Variants in COL6A3 observed in about 807,000 individuals in gnomAD.
COL6A3 encodes collagen alpha-3(VI) chain.
In COL6A3, 137 loss-of-function variants were observed where a neutral mutation model predicts 274.1. The observed-to-expected ratio is 0.50, with a 90% CI of 0.44 to 0.58. The LOEUF is 0.58. Ranked by LOEUF, COL6A3 falls within the 20% of genes least tolerant of loss-of-function variation. The probability of loss-of-function intolerance (pLI) is 0.00; values close to 1 mark genes in which losing one functional copy is unlikely to be tolerated. For missense variants in COL6A3, 3,950 were observed against 4,124.9 expected, an observed-to-expected ratio of 0.96 and a Z score of 1.16; for synonymous variants, 1,650 against 1,650.6, an observed-to-expected ratio of 1.00 and a Z score of 0.01.
At position 237,341,144 on chromosome 2, in the gene COL6A3, C is replaced by A. The variant is rs779104216; in HGVS notation, c.7772G>T (p.Cys2591Phe). ...AAATCCACAGGATGGGTCGATGTTGCAGATGTCTAGAAAGAAGCATGGCAG... is the reference window on the plus strand; with the variant it reads ...AAATCCACAGGATGGGTCGATGTTGAAGATGTCTAGAAAGAAGCATGGCAG... ...VLTCHVCLDI[C>F]NIDPSCGFGS... Residue 2591 changes from cysteine (C) to phenylalanine (F), a missense_variant, in exon 38 of 44, where the codon TGC becomes TTC. Coordinates refer to ENST00000295550, the MANE Select transcript of COL6A3 (RefSeq NM_004369.4). The A allele has an allele frequency of 6.2e-7, 1 of 1,614,120 alleles. No individual in the cohort carries two copies. The highest frequency in any genetic ancestry group is 1.1e-5 in the South Asian group (1 of 91,080).
Position 237,381,152 on chromosome 2 carries a change from C to T in COL6A3, c.1660G>A (p.Val554Met), listed in dbSNP as rs781199809. ...RAAEGIPKLL[V>M]LITGGKSLDE... ...AGGGACTTACCACCTGTGATCAGCA[C>T]CAAAAGCTTAGGAATCCCCTCGGCA... is the stretch of plus-strand genomic sequence containing the variant. The change falls in exon 5 of 44, where the codon GTG (valine) becomes ATG (methionine). Residue 554 changes from valine to methionine, a missense_variant. Val to Met is a conservative substitution (Grantham distance 21). Coordinates refer to ENST00000295550, the MANE Select transcript of COL6A3 (RefSeq NM_004369.4). The T allele has an allele frequency of 5.6e-6, 9 of 1,614,258 alleles. No individual in the cohort carries two copies. The South Asian group carries it at 9.9e-5, about 18-fold the overall frequency.
intron 42 of COL6A3, chr2:237,328,233 T>C (rs1700050600): frequency 6.6e-6 from 1 of 152,202 alleles, no homozygotes; most frequent in Admixed American, 6.5e-5. Context: ...TTCCTTACTA[T>C]TGGTCACTGG....
In COL6A3 at chr2:237,340,677, C is replaced by T. The variant is rs1474996590; in HGVS notation, c.8239G>A (p.Val2747Met). ...GCCTCCTCCAGCTGCTGCTCCGGCA[C>T]CTCGCCCGTCAGCATCAGGACCACA... ...KIVVLMLTGE[V>M]PEQQLEEAQR... The change falls in exon 38 of 44, where the codon GTG (valine) becomes ATG (methionine). Residue 2747 changes from valine (V) to methionine (M), a missense_variant. Transcript: ENST00000295550. 1.2e-6 allele frequency: 2 copies of T among 1,614,240 alleles called. No homozygotes were observed. The highest frequency in any genetic ancestry group is 2.2e-5 in the East Asian group (1 of 44,880).
At position 237,376,754 on chromosome 2, in the gene COL6A3, A is replaced by G. The variant is rs751217501; in HGVS notation, c.3070+18T>C. The G allele has an allele frequency of 6.2e-7, 1 of 1,610,202 alleles. No homozygotes were observed. The highest frequency in any genetic ancestry group is 1.1e-5 in the South Asian group (1 of 90,984). ...TAGAGAACTGAGTGGCAGAGCAACT[A>G]GCATTTCTCTACCATACCTGGTGCT... On this transcript the variant is annotated intron_variant, in intron 7 of 43. Coordinates refer to ENST00000295550, the MANE Select transcript of COL6A3 (RefSeq NM_004369.4).
Position 237,388,143 on chromosome 2 carries a change from T to C in COL6A3, c.751A>G (p.Asn251Asp), listed in dbSNP as rs1330744460. Residue 251 changes from asparagine (N) to aspartate (D), a missense_variant, in exon 4 of 44, where the codon AAC becomes GAC. Physicochemically the swap from Asn to Asp is conservative, Grantham distance 23. Coordinates refer to ENST00000295550, the MANE Select transcript of COL6A3 (RefSeq NM_004369.4). Reference protein sequence around the residue: ...ADIIFLIDGSNNTGSVNFAVI... With the variant: ...ADIIFLIDGSDNTGSVNFAVI... ...GCGAAATTGACACTTCCGGTGTTGT[T>C]TGATCCATCAATAAGGAAAATAATG... The C allele has an allele frequency of 1.2e-6, 2 of 1,614,184 alleles. No homozygotes were observed. Among genetic ancestry groups the C allele is most frequent in the Non-Finnish European group, 1.7e-6 (2 of 1,180,046 alleles).
At position 237,345,049 on chromosome 2, in the gene COL6A3, T is replaced by C. The variant is rs749961875; in HGVS notation, c.7162+9A>G. 4 of 1,614,222 alleles carry C rather than the reference T, an allele frequency of 2.5e-6. No individual in the cohort carries two copies. Among genetic ancestry groups the C allele is most frequent in the South Asian group, 1.1e-5 (1 of 91,084 alleles). On this transcript the variant is annotated intron_variant, in intron 34 of 43. Transcript: ENST00000295550. ...TGCATTGTGAGACAACAGAAAATCA[T>C]GTACTTACGGCATTTATCTTTGATG...
intron 1 of COL6A3, among the ~76,000 whole-genome samples, chr2:237,410,407 G>A (rs1421626776): frequency 6.7e-6 from 1 of 149,940 alleles, no homozygotes; most frequent in East Asian, 2.0e-4. Flanking sequence ...CCAGGCTCAA[G>A]TGATCCTCCC....
intron 4 of COL6A3, among the ~76,000 whole-genome samples, chr2:237,382,536 T>C (rs2078034962): frequency 6.6e-6 from 1 of 152,244 alleles, no homozygotes; most frequent in Admixed American, 6.5e-5. Context: ...CTGCCCATAT[T>C]GCAAGAACCA....
chr2:237,405,565 G>A (rs1164746428), intron 1 of COL6A3, among the ~76,000 whole-genome samples: 1 of 152,026 alleles, frequency 6.6e-6, no homozygotes, highest in Non-Finnish European at 1.5e-5. Flanking sequence ...TGTCTTGTGG[G>A]TGGGATTTCA....
intron 3 of COL6A3, among the ~76,000 whole-genome samples, chr2:237,391,311 C>G (rs2078280551): frequency 1.3e-5 from 2 of 152,148 alleles, no homozygotes; most frequent in African/African-American, 4.8e-5. Flanking sequence ...GAGATGCTTT[C>G]TTGGCATAAA....
intron 4 of COL6A3, among the ~76,000 whole-genome samples, chr2:237,384,799 G>T (rs2078103656): frequency 6.6e-6 from 1 of 152,026 alleles, no homozygotes; most frequent in African/African-American, 2.4e-5. Flanking sequence ...ACCTTCCTCT[G>T]CCATTGGCTC....
In COL6A3 at chr2:237,361,957, G is replaced by A. The variant is rs1326126125; in HGVS notation, c.6064-126C>T. On this transcript the variant is annotated intron_variant, in intron 14 of 43. Transcript: ENST00000295550. This position sits in a 1 kb window ranked among gnomAD's most constrained non-coding sequence, Gnocchi z 5.1. The stretch of plus-strand genomic sequence containing the variant: ...CACGGTGTGAGATGAAGTCCCTCCA[G>A]GTGACATTTGCTGGACGACTGACGA... 3.5e-6 allele frequency: 3 copies of A among 846,504 alleles called. No homozygotes were observed. Among genetic ancestry groups the A allele is most frequent in the Non-Finnish European group, 6.0e-6 (3 of 502,588 alleles). 52.4% of individuals were successfully genotyped at this position (846,504 alleles called of 1,614,324 possible). A position where few individuals can be genotyped will look rare whatever the true frequency, so the allele number is the denominator to read the frequency against.
At chr2:237,401,595 T>C (rs2078591067) in intron 1 of COL6A3, among the ~76,000 whole-genome samples, 1 of 152,156 alleles carries the variant, frequency 6.6e-6, no homozygotes, top group Non-Finnish European at 1.5e-5. Context: ...GTCTGTATCA[T>C]TGTAGGTGTA....
intron 1 of COL6A3, among the ~76,000 whole-genome samples, chr2:237,403,075 C>T (rs1482078247): frequency 6.6e-6 from 1 of 152,110 alleles, no homozygotes; most frequent in East Asian, 1.9e-4. Context: ...AGCAAAGGTA[C>T]AGGGAGAGCC....
chr2:237,407,679 AGATAATAACCAT>A lies in COL6A3; in HGVS notation c.-31+6262_-31+6273del, dbSNP rs1187703725. 9.9e-5 allele frequency among the ~76,000 whole-genome samples: 15 copies of A among 152,268 alleles called. No homozygotes were observed. The highest frequency in any genetic ancestry group is 2.9e-5 in the Non-Finnish European group (2 of 68,042). ...CTTTAAAACATATTCCTAGCATTGCAGATAATAACCATGAGGCAGAAAGTTCCATATCTGGTG... is the reference window on the plus strand; with the variant it reads ...CTTTAAAACATATTCCTAGCATTGCAGAGGCAGAAAGTTCCATATCTGGTG... On this transcript the variant is annotated intron_variant, in intron 1 of 43. Transcript: ENST00000295550. This position sits in a 1 kb window ranked among gnomAD's most constrained non-coding sequence, Gnocchi z 4.3.
chr2:237,343,804 T>G, intron 36 of COL6A3: 1 of 186,538 alleles, frequency 5.4e-6, no homozygotes, highest in Non-Finnish European at 1.1e-5. Flanking sequence ...CTGGAATGGG[T>G]ATCATCAGCA....
intron 10 of COL6A3, among the ~76,000 whole-genome samples, chr2:237,367,864 A>G (rs1453206509): frequency 6.6e-6 from 1 of 152,182 alleles, no homozygotes; most frequent in East Asian, 1.9e-4. Flanking sequence ...TAATTAAGCA[A>G]CTGAGACTGG....
chr2:237,361,909 C>A lies in COL6A3; in HGVS notation c.6064-78G>T. 1.6e-6 allele frequency: 2 copies of A among 1,285,454 alleles called. No individual in the cohort carries two copies. Among genetic ancestry groups the A allele is most frequent in the South Asian group, 2.4e-5 (2 of 83,788 alleles). The allele number at this position is 1,285,454 out of a possible 1,614,324, so 79.6% of individuals were successfully genotyped here. ...AAAATCATAAATGCGCTTTAAGGGTCAAAATCGGATGTGTGGGGGTTTCAC... is the reference window on the plus strand; with the variant it reads ...AAAATCATAAATGCGCTTTAAGGGTAAAAATCGGATGTGTGGGGGTTTCAC... On this transcript the variant is annotated intron_variant, in intron 14 of 43. Transcript: ENST00000295550. This position sits in a 1 kb window ranked among gnomAD's most constrained non-coding sequence, Gnocchi z 5.1.
intron 1 of COL6A3, among the ~76,000 whole-genome samples, chr2:237,411,123 A>T (rs1358405175): frequency 2.0e-5 from 3 of 152,214 alleles, no homozygotes; most frequent in African/African-American, 7.2e-5. Context: ...TTGCTCCCGT[A>T]AGTCAGGGTG....
Sources: allele counts gnomAD v4.1 joint callset (sites outside exome capture counted in the v4.1 genomes callset), GRCh38; gene constraint gnomAD v4.1.1; non-coding constraint Gnocchi (gnomAD v3.1); transcripts MANE v1.5; gene names NCBI Gene and HGNC (gene_info 2026-07-23, HGNC 2026-07-21).